Variants in NUP153 observed in about 807,000 individuals in gnomAD.
The protein encoded by NUP153 is nucleoporin 153.
Under a neutral mutation model 134.6 loss-of-function variants are expected in NUP153, and 27 were observed. The ratio of observed to expected loss-of-function variants is 0.20; its 90% CI spans 0.15 to 0.28. NUP153 has a LOEUF of 0.28. Among genes scored for constraint, NUP153 ranks in the 10% least tolerant of loss-of-function variants. The pLI is 1.00. For missense variants in NUP153, 1,821 were observed against 1,731.3 expected, an observed-to-expected ratio of 1.05 and a Z score of -0.92; for synonymous variants, 640 against 623.5, an observed-to-expected ratio of 1.03 and a Z score of -0.40.
chr6:17,681,540 C>T (rs996782896), intron 2 of NUP153, among the ~76,000 whole-genome samples: 3 of 152,088 alleles, frequency 2.0e-5, no homozygotes, highest in African/African-American at 7.2e-5. Flanking sequence ...TGAGATCATG[C>T]CACTGTACTC....
chr6:17,661,955 A>C lies in NUP153; in HGVS notation c.1268+63T>G, dbSNP rs549201218. On this transcript the variant is annotated intron_variant, in intron 10 of 21. Coordinates refer to ENST00000262077, the MANE Select transcript of NUP153 (RefSeq NM_005124.4). Reference sequence around the variant, plus strand: ...TTTAATCTTCAAAAAGGTACATGTAAATTAAATACAGACCTTACAAGTTAA... The same window carrying C: ...TTTAATCTTCAAAAAGGTACATGTACATTAAATACAGACCTTACAAGTTAA... The C allele has an allele frequency of 6.0e-6, 8 of 1,326,492 alleles. No individual in the cohort carries two copies. The African/African-American group carries it at 1.2e-4, about 20-fold the overall frequency. The allele number at this position is 1,326,492 out of a possible 1,614,324, so 82.2% of individuals were successfully genotyped here. A position where few individuals can be genotyped will look rare whatever the true frequency, so the allele number is the denominator to read the frequency against.
chr6:17,619,845 C>A (rs971459372), intron 20 of NUP153, among the ~76,000 whole-genome samples: 1 of 152,106 alleles, frequency 6.6e-6, no homozygotes, highest in African/African-American at 2.4e-5. Flanking sequence ...CACCTATAAT[C>A]CTAGCAGTTT....
chr6:17,684,735 G>A (rs1484673652), intron 2 of NUP153, among the ~76,000 whole-genome samples: 1 of 152,104 alleles, frequency 6.6e-6, no homozygotes, highest in Non-Finnish European at 1.5e-5. Flanking sequence ...AAAAGACGGG[G>A]AACTCTGATT....
rs2113835018 is a variant in NUP153, at chr6:17,675,890, G to A, written c.335-120C>T. The A allele has an allele frequency of 4.3e-6, 4 of 936,310 alleles. No individual in the cohort carries two copies. In the South Asian group the frequency reaches 4.7e-5, roughly 11 times the overall value. 58.0% of individuals were successfully genotyped at this position (936,310 alleles called of 1,614,324 possible). On this transcript the variant is annotated intron_variant, in intron 2 of 21. Coordinates refer to ENST00000262077, the MANE Select transcript of NUP153 (RefSeq NM_005124.4). The surrounding 1 kb of genome is among the most constrained non-coding windows in gnomAD (Gnocchi z 4.4). ...AATAGCTTCAATTCAAATCACTGGG[G>A]CATCCCATAATAAGCCCAATATAAC...
At chr6:17,630,075 G>A (rs75516911) in intron 17 of NUP153, among the ~76,000 whole-genome samples, 6,529 of 152,214 alleles carry the variant, frequency 0.043, 186 homozygotes, top group Non-Finnish European at 0.062. Flanking sequence ...AAGGGAGTGC[G>A]GTATACAGAC....
chr6:17,640,952 T>C lies in NUP153; in HGVS notation c.1721-888A>G, dbSNP rs35320010. Among the ~76,000 whole-genome samples the C allele has an allele frequency of 6.5e-3, 990 of 152,230 alleles. 3 individuals are homozygous for C. Among genetic ancestry groups the C allele is most frequent in the Non-Finnish European group, 0.011 (774 of 67,998 alleles). On this transcript the variant is annotated intron_variant, in intron 14 of 21. Coordinates refer to ENST00000262077, the MANE Select transcript of NUP153 (RefSeq NM_005124.4). ...AAAATCATTCTTAAAAGTGTAGTTA[T>C]GGGTAAAAGCAGGTTGAAAAGTCTA...
At chr6:17,666,140 A>G (rs1767522149) in intron 8 of NUP153, among the ~76,000 whole-genome samples, 1 of 151,938 alleles carries the variant, frequency 6.6e-6, no homozygotes, top group Non-Finnish European at 1.5e-5. Context: ...AGTGAATTTT[A>G]AATGCATGAA....
intron 11 of NUP153, among the ~76,000 whole-genome samples, chr6:17,659,145 T>C (rs1355368569): frequency 6.6e-6 from 1 of 152,258 alleles, no homozygotes; most frequent in South Asian, 2.1e-4. Flanking sequence ...CATATTCACC[T>C]GACCTCTCGC....
At chr6:17,630,620 G>A (rs1478192551) in intron 17 of NUP153, among the ~76,000 whole-genome samples, 3 of 151,750 alleles carry the variant, frequency 2.0e-5, no homozygotes, top group Non-Finnish European at 4.4e-5. Context: ...CCAAGATTGC[G>A]CCACAGCACT....
intron 20 of NUP153, among the ~76,000 whole-genome samples, chr6:17,622,196 T>C (rs966215738): frequency 6.6e-6 from 1 of 152,210 alleles, no homozygotes; most frequent in Non-Finnish European, 1.5e-5. Flanking sequence ...ACGCCTGTAA[T>C]CCTAGCACTT....
At chr6:17,643,010 G>A (rs1371017764) in intron 14 of NUP153, among the ~76,000 whole-genome samples, 5 of 152,178 alleles carry the variant, frequency 3.3e-5, no homozygotes, top group Admixed American at 6.5e-5. Flanking sequence ...GTTAGCTAGG[G>A]GGAAGGCAGA....
rs200522947 is a variant in NUP153 at position 17,662,053 on chromosome 6, A to G, written c.1233T>C (p.Asn411=). 2.9e-5 allele frequency: 46 copies of G among 1,612,410 alleles called. No homozygotes were observed. Among genetic ancestry groups the G allele is most frequent in the Non-Finnish European group, 3.2e-5 (38 of 1,179,244 alleles). ...GTTCTCTATTTTGTCCGGGTGTCAT[A>G]TTTTTTTCATATCCAGTCTGCAGGG... The part of the protein sequence containing the change: ...DNKCSTGYEK[N]MTPGQNREQR... Residue 411 remains asparagine, a synonymous_variant, in exon 10 of 22, where the codon AAT becomes AAC. Transcript: ENST00000262077.
At chr6:17,618,828 A>G (rs911381573) in intron 20 of NUP153, among the ~76,000 whole-genome samples, 2 of 152,216 alleles carry the variant, frequency 1.3e-5, no homozygotes, top group Non-Finnish European at 2.9e-5. Flanking sequence ...GGCCTCCCAA[A>G]GTGCTGGGAT....
intron 16 of NUP153, among the ~76,000 whole-genome samples, chr6:17,634,406 TC>T (rs1187513018): frequency 6.6e-6 from 1 of 151,944 alleles, no homozygotes; most frequent in Non-Finnish European, 1.5e-5. Context: ...AATCCGTATC[TC>T]CACCCAAAGG....
At chr6:17,619,828 T>C (rs1764553530) in intron 20 of NUP153, among the ~76,000 whole-genome samples, 1 of 152,168 alleles carries the variant, frequency 6.6e-6, no homozygotes, top group African/African-American at 2.4e-5. Flanking sequence ...CCAGGCGCTG[T>C]GGCTCACACC....
intron 2 of NUP153, among the ~76,000 whole-genome samples, chr6:17,686,277 C>T (rs1768918235): frequency 6.6e-6 from 1 of 152,102 alleles, no homozygotes; most frequent in East Asian, 1.9e-4. Flanking sequence ...GATGTTAATG[C>T]CCCTGAAGAG....
At chr6:17,660,315 T>C (rs1431898255) in intron 11 of NUP153, among the ~76,000 whole-genome samples, 2 of 152,154 alleles carry the variant, frequency 1.3e-5, no homozygotes, top group African/African-American at 4.8e-5. Flanking sequence ...TGGTGAAATT[T>C]TAATTAGAAA....
chr6:17,687,949 T>TA (rs905649052), intron 2 of NUP153, among the ~76,000 whole-genome samples: 12 of 151,292 alleles, frequency 7.9e-5, no homozygotes, highest in East Asian at 7.8e-4. Flanking sequence ...CCCGTCTCTA[T>TA]AAAAAATACC....
intron 1 of NUP153, among the ~76,000 whole-genome samples, chr6:17,699,978 T>C (rs1368715864): frequency 2.6e-5 from 4 of 152,042 alleles, no homozygotes; most frequent in Non-Finnish European, 4.4e-5. Context: ...ATTAGAAAAA[T>C]TAAGTAAATT....
Sources: allele counts gnomAD v4.1 joint callset (sites outside exome capture counted in the v4.1 genomes callset), GRCh38; gene constraint gnomAD v4.1.1; non-coding constraint Gnocchi (gnomAD v3.1); transcripts MANE v1.5; gene names NCBI Gene and HGNC (gene_info 2026-07-23, HGNC 2026-07-21).